Variants in HEPHL1 observed in about 807,000 individuals in gnomAD.
The protein encoded by HEPHL1 is ferroxidase HEPHL1.
HEPHL1 carries 123 observed loss-of-function variants against 122.0 expected under a neutral mutation model. The observed-to-expected ratio is 1.01, with a 90% CI of 0.87 to 1.17. The LOEUF (loss-of-function observed/expected upper bound fraction) is 1.17. HEPHL1 is among the 50% of genes most tolerant of loss of function. HEPHL1 has a pLI of 0.00. For missense variants in HEPHL1, 1,452 were observed against 1,430.5 expected (o/e 1.01, Z -0.24); for synonymous variants, 527 against 508.9 (o/e 1.04, Z -0.48).
chr11:94,036,931 T>C (rs1244132326), intron 1 of HEPHL1, among the ~76,000 whole-genome samples: 5 of 146,682 alleles, frequency 3.4e-5, no homozygotes, highest in Admixed American at 1.4e-4. Context: ...AGAAGACGGG[T>C]GATTTCTGCA....
In HEPHL1 at chr11:94,045,672, G is replaced by T. The variant is rs1945827574; in HGVS notation, c.171-1G>T. ...AAAAATGTTTTTCTTCTTACTTTTA[G>T]ACTTGCAACCTTATTTCTCGAAAGA... On this transcript the variant is annotated splice_acceptor_variant, in intron 1 of 19. Coordinates refer to ENST00000315765, the MANE Select transcript of HEPHL1 (RefSeq NM_001098672.2). LOFTEE classifies it high-confidence loss of function. The T allele has an allele frequency of 6.3e-7, 1 of 1,594,784 alleles. No homozygotes were observed. The highest frequency in any genetic ancestry group is 1.1e-5 in the South Asian group (1 of 87,386).
chr11:94,073,380 G>A lies in HEPHL1; in HGVS notation c.1445G>A (p.Ser482Asn). 6.3e-7 allele frequency: 1 copy of A among 1,576,846 alleles called. No homozygotes were observed. Among genetic ancestry groups the A allele is most frequent in the African/African-American group, 1.3e-5 (1 of 74,436 alleles). The change falls in exon 8 of 20, where the codon AGC becomes AAC. Residue 482 changes from serine to asparagine, a missense_variant. Physicochemically the swap from Ser to Asn is conservative, Grantham distance 46 (BLOSUM62 1). Coordinates refer to ENST00000315765, the MANE Select transcript of HEPHL1 (RefSeq NM_001098672.2). ...TFANKADKVY[S>N]ILPHGVIYDK... is the part of the protein sequence containing the mutation. The stretch of plus-strand genomic sequence containing the variant: ...GCCAACAAAGCCGACAAGGTCTATA[G>A]CATTTTACCCCATGGTGTGATCTAT...
intron 14 of HEPHL1, among the ~76,000 whole-genome samples, chr11:94,102,205 G>A (rs1267742749): frequency 6.6e-6 from 1 of 152,118 alleles, no homozygotes; most frequent in African/African-American, 2.4e-5. Flanking sequence ...CACATTAACT[G>A]CCTTCAAAAT....
At chr11:94,042,923 T>C (rs1016588006) in intron 1 of HEPHL1, among the ~76,000 whole-genome samples, 1 of 131,504 alleles carries the variant, frequency 7.6e-6, no homozygotes, top group African/African-American at 2.8e-5. Flanking sequence ...TGGCCCAGAG[T>C]GGGTGGATTG....
chr11:94,033,598 G>A (rs1052111039), intron 1 of HEPHL1, among the ~76,000 whole-genome samples: 5 of 152,098 alleles, frequency 3.3e-5, no homozygotes, highest in Non-Finnish European at 7.3e-5. Flanking sequence ...TAGATTTGGT[G>A]CACAAGATAA....
At chr11:94,050,797 T>C (rs1439393302) in intron 2 of HEPHL1, among the ~76,000 whole-genome samples, 1 of 152,166 alleles carries the variant, frequency 6.6e-6, no homozygotes, top group Non-Finnish European at 1.5e-5. Context: ...CCATTAATCA[T>C]CCCCACTTCC....
chr11:94,050,483 C>A (rs556042611), intron 2 of HEPHL1, among the ~76,000 whole-genome samples: 3 of 152,000 alleles, frequency 2.0e-5, no homozygotes, highest in African/African-American at 7.2e-5. Flanking sequence ...TTCTAGATGG[C>A]TTTTTATCAG....
intron 1 of HEPHL1, among the ~76,000 whole-genome samples, chr11:94,025,452 T>G (rs952670637): frequency 5.3e-5 from 8 of 152,164 alleles, no homozygotes; most frequent in African/African-American, 1.7e-4. Flanking sequence ...TCATCTTATT[T>G]AAAGCCACAG....
intron 9 of HEPHL1, among the ~76,000 whole-genome samples, chr11:94,077,582 T>C (rs528202574): frequency 3.3e-5 from 5 of 152,334 alleles, no homozygotes; most frequent in African/African-American, 9.6e-5. Context: ...AAGGTGACTA[T>C]AGTCACCCTC....
At chr11:94,104,331 A>C (rs1946392071) in intron 15 of HEPHL1, among the ~76,000 whole-genome samples, 197 bp from the exon 16 acceptor site, 1 of 152,188 alleles carries the variant, frequency 6.6e-6, no homozygotes, top group South Asian at 2.1e-4. Context: ...GAAGACTTCT[A>C]GATACGGGAG....
chr11:94,104,377 G>C (rs1946392575), intron 15 of HEPHL1, 151 bp from the exon 16 acceptor site: 1 of 620,380 alleles, frequency 1.6e-6, no homozygotes, highest in Non-Finnish European at 2.9e-6. Context: ...AACAGGATGG[G>C]CTGGAGGTGG....
chr11:94,101,692 T>C (rs971580312), intron 14 of HEPHL1, among the ~76,000 whole-genome samples: 22 of 152,340 alleles, frequency 1.4e-4, no homozygotes, highest in African/African-American at 5.1e-4. Context: ...CAACAACATG[T>C]ATCCACCATT....
In HEPHL1 at chr11:94,092,992, C is replaced by A. The variant is rs536426368; in HGVS notation, c.2295-509C>A. Reference sequence around the variant, plus strand: ...TTTGTATATGGATGTATACACAATACATGACTATGGTCCTTCTTGAGATCC... The same window carrying A: ...TTTGTATATGGATGTATACACAATAAATGACTATGGTCCTTCTTGAGATCC... On this transcript the variant is annotated intron_variant, in intron 12 of 19. Transcript: ENST00000315765. Among the ~76,000 whole-genome samples the A allele has an allele frequency of 8.2e-4, 125 of 152,138 alleles. 2 individuals are homozygous for A. The highest frequency in any genetic ancestry group is 7.6e-3 in the Admixed American group (116 of 15,282).
chr11:94,048,287 T>C (rs957276258), intron 2 of HEPHL1, among the ~76,000 whole-genome samples: 19 of 152,152 alleles, frequency 1.2e-4, no homozygotes, highest in African/African-American at 4.1e-4. Flanking sequence ...AATACTGCTA[T>C]AAACATTGGT....
At chr11:94,044,111 G>A (rs1347621370) in intron 1 of HEPHL1, among the ~76,000 whole-genome samples, 7 of 151,770 alleles carry the variant, frequency 4.6e-5, no homozygotes, top group Non-Finnish European at 1.0e-4. Flanking sequence ...TAGGATGGGA[G>A]CTCCAAGCCA....
At chr11:94,108,107 GA>G (rs1382173036) in intron 17 of HEPHL1, among the ~76,000 whole-genome samples, 8 of 152,062 alleles carry the variant, frequency 5.3e-5, no homozygotes, top group African/African-American at 1.9e-4. Context: ...TTGGGGAGGG[GA>G]TATAGTGGTA....
intron 1 of HEPHL1, among the ~76,000 whole-genome samples, chr11:94,033,235 T>C (rs1307544485): frequency 1.3e-5 from 2 of 152,170 alleles, no homozygotes; most frequent in African/African-American, 4.8e-5. Context: ...GCCCCTTAGT[T>C]GAATTGAATT....
intron 1 of HEPHL1, among the ~76,000 whole-genome samples, chr11:94,042,716 G>A (rs1247871209): frequency 7.7e-6 from 1 of 129,948 alleles, no homozygotes; most frequent in Non-Finnish European, 1.6e-5. Context: ...CACACTTTGG[G>A]GACTGTGGTG....
intron 13 of HEPHL1, among the ~76,000 whole-genome samples, chr11:94,094,010 A>ATATATT (rs1946287074): frequency 8.1e-6 from 1 of 123,520 alleles, no homozygotes; most frequent in Non-Finnish European, 1.6e-5. Flanking sequence ...ATATATATAT[A>ATATATT]TATAAAACTT....
Sources: gnomAD v4.1 joint callset for allele counts (sites outside exome capture counted in the v4.1 genomes callset) on GRCh38, gnomAD v4.1.1 for gene constraint, MANE v1.5 for transcripts, NCBI Gene and HGNC (gene_info 2026-07-23, HGNC 2026-07-21) for gene names.